Variants in C8orf34 observed in about 807,000 individuals in gnomAD.
C8orf34 encodes uncharacterized protein C8orf34.
Under a neutral mutation model 68.3 loss-of-function variants are expected in C8orf34, and 65 were observed. That is an observed-to-expected ratio of 0.95 (90% CI 0.78 to 1.17). C8orf34 has a LOEUF of 1.17. C8orf34 is among the 50% of genes most tolerant of loss of function. The pLI, the probability that C8orf34 is intolerant of heterozygous loss-of-function variation, is 0.00. For missense variants in C8orf34, 664 were observed against 655.4 expected, an observed-to-expected ratio of 1.01 and a Z score of -0.14; for synonymous variants, 244 against 241.2, an observed-to-expected ratio of 1.01 and a Z score of -0.11.
chr8:68,442,984 A>G (rs1810973772), intron 2 of C8orf34, among the ~76,000 whole-genome samples: 1 of 152,196 alleles, frequency 6.6e-6, no homozygotes, highest in Non-Finnish European at 1.5e-5. Flanking sequence ...GACATTTCCC[A>G]TAAGAGAACA....
At chr8:68,644,723 C>T (rs904881365) in intron 8 of C8orf34, among the ~76,000 whole-genome samples, 5 of 152,050 alleles carry the variant, frequency 3.3e-5, no homozygotes, top group African/African-American at 4.8e-5. Flanking sequence ...AGGTTATGGG[C>T]ATGAGTTTAA....
intron 8 of C8orf34, among the ~76,000 whole-genome samples, chr8:68,644,233 G>A (rs1464986923): frequency 1.3e-5 from 2 of 152,132 alleles, no homozygotes; most frequent in Non-Finnish European, 2.9e-5. Context: ...CCTCTTCATA[G>A]GGGAGAGGGT....
intron 1 of C8orf34, among the ~76,000 whole-genome samples, chr8:68,387,395 C>T (rs1030556451): frequency 6.6e-6 from 1 of 151,832 alleles, no homozygotes; most frequent in Non-Finnish European, 1.5e-5. Context: ...GTTAAGTGGA[C>T]CTGGGAAAGG....
chr8:68,619,581 A>G (rs1182977044), intron 7 of C8orf34, among the ~76,000 whole-genome samples: 1 of 152,198 alleles, frequency 6.6e-6, no homozygotes, highest in Non-Finnish European at 1.5e-5. Flanking sequence ...CAATGAAGCT[A>G]TCACCTCCAG....
At chr8:68,507,123 A>G (rs1331138393) in intron 5 of C8orf34, among the ~76,000 whole-genome samples, 1 of 152,204 alleles carries the variant, frequency 6.6e-6, no homozygotes, top group Non-Finnish European at 1.5e-5. Context: ...TAAATTTTAC[A>G]AGATTTGACA....
At chr8:68,612,200 C>T (rs570335408) in intron 7 of C8orf34, among the ~76,000 whole-genome samples, 21 of 152,208 alleles carry the variant, frequency 1.4e-4, no homozygotes, top group African/African-American at 4.8e-4. Flanking sequence ...ATATCACTAA[C>T]ATTTATGGGC....
chr8:68,782,423 T>C (rs370245240), intron 11 of C8orf34, among the ~76,000 whole-genome samples: 77 of 128,622 alleles, frequency 6.0e-4, no homozygotes, highest in African/African-American at 2.5e-3. Flanking sequence ...TATTCCAAGA[T>C]TGAGTGTCTT....
chr8:68,395,765 G>A (rs1404752717), intron 1 of C8orf34, among the ~76,000 whole-genome samples: 1 of 152,016 alleles, frequency 6.6e-6, no homozygotes, highest in East Asian at 1.9e-4. Flanking sequence ...GATGGGAGAT[G>A]GGTACTGGGG....
chr8:68,532,411 A>G (rs1815287379), intron 6 of C8orf34, among the ~76,000 whole-genome samples: 1 of 152,188 alleles, frequency 6.6e-6, no homozygotes, highest in Admixed American at 6.5e-5. Context: ...ATACATATAC[A>G]TATTGTAACA....
chr8:68,396,796 C>T (rs1387854253), intron 1 of C8orf34, among the ~76,000 whole-genome samples: 2 of 147,312 alleles, frequency 1.4e-5, no homozygotes. Flanking sequence ...GATCTCTGCA[C>T]AGCCAGCTCC....
At chr8:68,772,522 C>T (rs1246103053) in intron 10 of C8orf34, among the ~76,000 whole-genome samples, 4 of 152,144 alleles carry the variant, frequency 2.6e-5, no homozygotes, top group Admixed American at 2.6e-4. Flanking sequence ...AAGCAGTAAT[C>T]ACATCAGCCT....
rs556153831 is a variant in C8orf34 at position 68,785,080 on chromosome 8, C to T, written c.1456-2363C>T. Among the ~76,000 whole-genome samples, 7 of 152,020 alleles carry T rather than the reference C, an allele frequency of 4.6e-5. No homozygotes were observed. In the East Asian group the frequency reaches 1.4e-3, roughly 29 times the overall value. ...TGAATATGGGCCAGGCATGGTTGCT[C>T]ACACCTGTAATCTCAGCTACTTGGG... On this transcript the variant is annotated intron_variant, in intron 11 of 13. Coordinates refer to ENST00000518698, the MANE Select transcript of C8orf34 (RefSeq NM_052958.4).
At chr8:68,801,878 G>A (rs1647608862) in intron 12 of C8orf34, among the ~76,000 whole-genome samples, 1 of 145,140 alleles carries the variant, frequency 6.9e-6, no homozygotes, top group Admixed American at 6.8e-5. Context: ...TTACTGTGTT[G>A]TTTTTAATGC....
intron 3 of C8orf34, 197 bp downstream of exon 3, chr8:68,446,657 CAT>C (rs1295732621): frequency 1.2e-5 from 7 of 568,756 alleles, no homozygotes; most frequent in Admixed American, 3.5e-5. Flanking sequence ...TATTCTCAAA[CAT>C]GTGTAATTCA....
chr8:68,539,712 G>A (rs1437977490), intron 7 of C8orf34, among the ~76,000 whole-genome samples: 11 of 152,134 alleles, frequency 7.2e-5, no homozygotes, highest in African/African-American at 2.7e-4. Context: ...AAATTAGCCA[G>A]GCATGGTGGC....
At chr8:68,538,287 T>C (rs1815563076) in intron 7 of C8orf34, among the ~76,000 whole-genome samples, 1 of 152,168 alleles carries the variant, frequency 6.6e-6, no homozygotes, top group South Asian at 2.1e-4. Context: ...GTTAGTGGTA[T>C]ATGGCCAAAG....
chr8:68,382,954 C>G (rs1348996775), intron 1 of C8orf34, among the ~76,000 whole-genome samples: 1 of 152,158 alleles, frequency 6.6e-6, no homozygotes, highest in Non-Finnish European at 1.5e-5. Flanking sequence ...AAAGGGGGTT[C>G]CTCAGACAGG....
intron 1 of C8orf34, among the ~76,000 whole-genome samples, chr8:68,368,487 T>C (rs1390002856): frequency 3.9e-5 from 6 of 152,314 alleles, no homozygotes; most frequent in Non-Finnish European, 8.8e-5. Context: ...TGTTCCAGTC[T>C]TACTTTGCTA....
intron 7 of C8orf34, among the ~76,000 whole-genome samples, chr8:68,607,158 GAAGAA>G (rs1374213872): frequency 1.3e-5 from 2 of 152,076 alleles, no homozygotes; most frequent in Non-Finnish European, 2.9e-5. Flanking sequence ...AAAAGACAAA[GAAGAA>G]AAGGATTATT....
Sources: gnomAD v4.1 joint callset for allele counts (sites outside exome capture counted in the v4.1 genomes callset) on GRCh38, gnomAD v4.1.1 for gene constraint, MANE v1.5 for transcripts, NCBI Gene and HGNC (gene_info 2026-07-23, HGNC 2026-07-21) for gene names.